Variants in STAG2 observed in about 807,000 individuals in gnomAD.
The protein encoded by STAG2 is STAG2 cohesin complex component.
STAG2 carries 14 observed loss-of-function variants against 108.1 expected under a neutral mutation model. The ratio of observed to expected loss-of-function variants is 0.13; its 90% CI spans 0.09 to 0.20. The LOEUF is 0.20. Among genes scored for constraint, STAG2 ranks in the 10% least tolerant of loss-of-function variants. The pLI is 1.00. For missense variants in STAG2, 440 were observed against 940.9 expected, an observed-to-expected ratio of 0.47 and a Z score of 6.96; for synonymous variants, 307 against 302.7, an observed-to-expected ratio of 1.01 and a Z score of -0.15.
chrX:124,067,953 C>G (rs2058578244), intron 23 of STAG2, among the ~76,000 whole-genome samples: 1 of 110,162 alleles, frequency 9.1e-6, no homozygotes, highest in Non-Finnish European at 1.9e-5. Flanking sequence ...AATTAATTGC[C>G]TGAACCCAGG....
chrX:123,970,373 G>A lies in STAG2; in HGVS notation c.-163+8517G>A, dbSNP rs188821272. On this transcript the variant is annotated intron_variant, in intron 1 of 34. Coordinates refer to ENST00000371145, the MANE Select transcript of STAG2 (RefSeq NM_001042750.2). ...AGGTATCATTCTTGGGAGACTTCAG[G>A]AATAGTCACTGAAGTCATTTTCTGA... is the stretch of plus-strand genomic sequence containing the variant. Among the ~76,000 whole-genome samples the A allele has an allele frequency of 3.9e-3, 433 of 111,102 alleles. 1 individual carries two copies. The highest frequency in any genetic ancestry group is 0.013 in the African/African-American group (404 of 30,563).
At chrX:124,072,304 A>G (rs2058682781) in intron 25 of STAG2, among the ~76,000 whole-genome samples, 1 of 111,939 alleles carries the variant, frequency 8.9e-6, no homozygotes, top group Non-Finnish European at 1.9e-5. Flanking sequence ...TACAACATCA[A>G]CATGTATATA....
intron 5 of STAG2, among the ~76,000 whole-genome samples, chrX:124,033,337 T>A (rs1197637431): frequency 8.9e-6 from 1 of 112,395 alleles, no homozygotes; most frequent in East Asian, 2.7e-4. Context: ...TGTATTGCAT[T>A]TCATTACTTT....
At chrX:124,050,141 G>A (rs766341571) in intron 10 of STAG2, 45 bp from the exon 11 acceptor site, 15 of 1,183,121 alleles carry the variant, frequency 1.3e-5, no homozygotes, top group Admixed American at 2.3e-5. Context: ...AAGTTTTGTG[G>A]TATATTGGCA....
chrX:124,074,427 T>C (rs1186871086), intron 25 of STAG2, among the ~76,000 whole-genome samples: 1 of 112,818 alleles, frequency 8.9e-6, no homozygotes, highest in Admixed American at 9.4e-5. Flanking sequence ...TGAGCACATA[T>C]ACATTTGCTT....
intron 1 of STAG2, among the ~76,000 whole-genome samples, chrX:123,987,566 G>A (rs1402820937): frequency 3.6e-5 from 4 of 111,879 alleles, no homozygotes; most frequent in Admixed American, 1.9e-4. Context: ...TTTTTGTAGC[G>A]ACGATATCTC....
intron 5 of STAG2, 29 bp downstream of exon 5, chrX:124,031,154 A>C (rs754189446): frequency 8.5e-7 from 1 of 1,177,748 alleles, no homozygotes; most frequent in South Asian, 2.0e-5. Context: ...TTCCCAGTTC[A>C]TTTGTACATT....
chrX:124,031,063 C>T lies in STAG2; in HGVS notation c.226C>T (p.Gln76Ter). ...AAACCGAATGAATGGTCATCACCAACAGAATGGAGTGGAAAACATGATGTT... is the reference window on the plus strand; with the variant it reads ...AAACCGAATGAATGGTCATCACCAATAGAATGGAGTGGAAAACATGATGTT... Reference protein sequence around the residue: ...GPNRMNGHHQQNGVENMMLFE... With the variant: ...GPNRMNGHHQ Residue 76 changes from glutamine to a stop codon, truncating the protein, a stop_gained, in exon 5 of 35, where the codon CAG (glutamine) becomes TAG (stop). Coordinates refer to ENST00000371145, the MANE Select transcript of STAG2 (RefSeq NM_001042750.2). LOFTEE classifies it high-confidence loss of function. 8.3e-7 allele frequency: 1 copy of T among 1,210,753 alleles called. No individual in the cohort carries two copies. The highest frequency in any genetic ancestry group is 1.1e-6 in the Non-Finnish European group (1 of 895,111).
chrX:124,052,235 C>G (rs2058065624), intron 13 of STAG2, among the ~76,000 whole-genome samples: 1 of 111,260 alleles, frequency 9.0e-6, no homozygotes, highest in Non-Finnish European at 1.9e-5. Flanking sequence ...CTGTCATTAC[C>G]TATATTTACG....
chrX:123,980,704 T>C (rs2054833324), intron 1 of STAG2, among the ~76,000 whole-genome samples: 2 of 111,636 alleles, frequency 1.8e-5, no homozygotes, highest in Non-Finnish European at 3.8e-5. Flanking sequence ...TATTGAATTC[T>C]ACAAAGTCAA....
At chrX:123,976,274 T>TA (rs759447278) in intron 1 of STAG2, among the ~76,000 whole-genome samples, 13 of 110,524 alleles carry the variant, frequency 1.2e-4, no homozygotes, top group African/African-American at 2.3e-4. Context: ...CCTTTTCTCT[T>TA]AAAAAAAAAT....
intron 25 of STAG2, among the ~76,000 whole-genome samples, chrX:124,071,782 A>T (rs1320120661): frequency 9.0e-6 from 1 of 110,899 alleles, no homozygotes; most frequent in Non-Finnish European, 1.9e-5. Context: ...GGGAGTATTA[A>T]TTTGATTTCT....
At chrX:124,082,685 C>T (rs1475532300) in intron 28 of STAG2, among the ~76,000 whole-genome samples, 1 of 111,439 alleles carries the variant, frequency 9.0e-6, no homozygotes, top group East Asian at 2.8e-4. Flanking sequence ...TGAACCACCA[C>T]ACCCAGCTTC....
At chrX:124,034,967 G>A (rs775042679) in intron 5 of STAG2, among the ~76,000 whole-genome samples, 11 of 108,124 alleles carry the variant, frequency 1.0e-4, no homozygotes, top group Non-Finnish European at 2.1e-4. Context: ...CATGATCTCG[G>A]CTCACTGCAA....
At chrX:124,063,520 T>C (rs1471770229) in intron 19 of STAG2, among the ~76,000 whole-genome samples, 2 of 111,454 alleles carry the variant, frequency 1.8e-5, no homozygotes, top group African/African-American at 6.5e-5. Context: ...GGTATGGCCA[T>C]AGACGATAAT....
rs538782470 is a variant in STAG2, at chrX:124,055,207, A to G, written c.1197-921A>G. On this transcript the variant is annotated intron_variant, in intron 13 of 34. Transcript: ENST00000371145. ...GTTCTTTTTCTCTCAAAAAGAAGTA[A>G]TACTTCTTAGACATCAGACTTCTGG... Among the ~76,000 whole-genome samples, 60 of 112,836 alleles carry G rather than the reference A, an allele frequency of 5.3e-4. No individual in the cohort carries two copies. The South Asian group carries it at 0.014, about 26-fold the overall frequency.
At chrX:124,100,509 A>G in intron 34 of STAG2, 65 bp from the exon 35 acceptor site, 2 of 947,714 alleles carry the variant, frequency 2.1e-6, no homozygotes, top group East Asian at 3.2e-5. Context: ...TGTAATATTT[A>G]TGGATATATT....
intron 1 of STAG2, chrX:123,963,282 G>A (rs965044814): frequency 2.7e-5 from 3 of 111,423 alleles, no homozygotes; most frequent in African/African-American, 9.8e-5. Context: ...AAAAGCAGGA[G>A]GCGGTCTCCT....
At chrX:123,991,764 A>C (rs1443205975) in intron 1 of STAG2, among the ~76,000 whole-genome samples, 1 of 110,349 alleles carries the variant, frequency 9.1e-6, no homozygotes, top group African/African-American at 3.3e-5. Flanking sequence ...TCCCGGGTTC[A>C]AGCGATTCTC....
Sources: allele counts gnomAD v4.1 joint callset (sites outside exome capture counted in the v4.1 genomes callset), GRCh38; gene constraint gnomAD v4.1.1; transcripts MANE v1.5; gene names NCBI Gene and HGNC (gene_info 2026-07-23, HGNC 2026-07-21).